The following NRG1 variants were observed in gnomAD, a reference collection of about 807,000 sequenced individuals.
NRG1 encodes the protein neuregulin 1, also known as pro-neuregulin-1, membrane-bound isoform.
NRG1 carries 18 observed loss-of-function variants against 63.8 expected under a neutral mutation model. The ratio of observed to expected loss-of-function variants is 0.28; its 90% CI spans 0.19 to 0.42. NRG1 has a LOEUF of 0.42. Ranked by LOEUF, NRG1 falls within the 10% of genes least tolerant of loss-of-function variation. The pLI, the probability that NRG1 is intolerant of heterozygous loss-of-function variation, is 1.00. For missense variants in NRG1, 762 were observed against 814.7 expected (o/e 0.94, Z 0.79); for synonymous variants, 302 against 301.3 (o/e 1.00, Z -0.02).
At chr8:31,877,724 C>T (rs1830037636) in intron 1 of NRG1, among the ~76,000 whole-genome samples, 1 of 152,062 alleles carries the variant, frequency 6.6e-6, no homozygotes, top group South Asian at 2.1e-4. Context: ...GGCAGTGTTC[C>T]ATCCTAGGTA....
intron 1 of NRG1, among the ~76,000 whole-genome samples, chr8:31,731,436 AC>A (rs1814052375): frequency 6.6e-6 from 1 of 151,888 alleles, no homozygotes; most frequent in Admixed American, 6.6e-5. Context: ...ACACACACAC[AC>A]ACACACACAT....
chr8:32,298,629 G>A (rs964557163), intron 1 of NRG1, among the ~76,000 whole-genome samples: 5 of 150,180 alleles, frequency 3.3e-5, no homozygotes, highest in Non-Finnish European at 7.4e-5. Context: ...CAGGAGAATC[G>A]CTTGAACCCA....
chr8:32,619,519 CCCAGTTAGG>C (rs1337919109), intron 5 of NRG1, among the ~76,000 whole-genome samples: 1 of 152,076 alleles, frequency 6.6e-6, no homozygotes, highest in African/African-American at 2.4e-5. Context: ...AATCCAGGAT[CCCAGTTAGG>C]TGGCTTTTGC....
At chr8:32,067,835 T>C (rs1825119398) in intron 1 of NRG1, among the ~76,000 whole-genome samples, 2 of 152,190 alleles carry the variant, frequency 1.3e-5, no homozygotes, top group African/African-American at 2.4e-5. Context: ...TAATTGGCTT[T>C]AAAGAAAAAA....
chr8:32,225,315 T>C (rs1024923891), intron 1 of NRG1, among the ~76,000 whole-genome samples: 3 of 152,186 alleles, frequency 2.0e-5, no homozygotes, highest in African/African-American at 7.2e-5. Context: ...TCTAATATCA[T>C]ATGCCTAATA....
chr8:32,089,043 T>C (rs1485608559), intron 1 of NRG1, among the ~76,000 whole-genome samples: 1 of 152,192 alleles, frequency 6.6e-6, no homozygotes, highest in African/African-American at 2.4e-5. Flanking sequence ...AAAATGTTTG[T>C]GTATTTCTGG....
At chr8:32,397,320 G>T (rs931143455) in intron 1 of NRG1, among the ~76,000 whole-genome samples, 3 of 151,962 alleles carry the variant, frequency 2.0e-5, no homozygotes, top group Non-Finnish European at 2.9e-5. Flanking sequence ...TTTGTAAAAT[G>T]AAAATAATAA....
chr8:32,373,440 T>G, intron 1 of NRG1, among the ~76,000 whole-genome samples: 1 of 151,666 alleles, frequency 6.6e-6, no homozygotes, highest in East Asian at 2.0e-4. Context: ...AAAATAATTT[T>G]TTTAATTTAT....
rs557900892 is a variant in NRG1 at position 32,153,716 on chromosome 8, T to C, written c.38-442112T>C. On this transcript the variant is annotated intron_variant, in intron 1 of 10. Coordinates refer to the NRG1 transcript ENST00000519301. ...GGTCTGAATTTCCATACATTCCTGG[T>C]ATCTCAGAGGGTGGCAAGGTTAGAA... 7.9e-5 allele frequency among the ~76,000 whole-genome samples: 12 copies of C among 152,314 alleles called. No individual in the cohort carries two copies. In the East Asian group the frequency reaches 2.3e-3, roughly 29 times the overall value.
intron 1 of NRG1, among the ~76,000 whole-genome samples, chr8:31,662,509 G>T (rs1428831761): frequency 1.3e-5 from 2 of 152,176 alleles, no homozygotes; most frequent in African/African-American, 4.8e-5. Context: ...TGCCACTCCT[G>T]CATTTCTGGG....
chr8:32,696,660 T>A (rs1813385623), intron 5 of NRG1, among the ~76,000 whole-genome samples: 1 of 139,342 alleles, frequency 7.2e-6, no homozygotes, highest in African/African-American at 2.8e-5. Context: ...ATCTATCTTT[T>A]TTTTTTTTTT....
At chr8:32,036,591 AACATAATCCCAT>A (rs1232534353) in intron 1 of NRG1, among the ~76,000 whole-genome samples, 1 of 152,096 alleles carries the variant, frequency 6.6e-6, no homozygotes, top group African/African-American at 2.4e-5. Flanking sequence ...TCAGTCTTTT[AACATAATCCCAT>A]AGTTCACAGA....
intron 1 of NRG1, among the ~76,000 whole-genome samples, chr8:32,159,540 C>CAAAAAAAAAAAAAAAA (rs10684266): frequency 1.4e-5 from 1 of 73,692 alleles, no homozygotes; most frequent in African/African-American, 3.9e-5. Flanking sequence ...GACTCCGTCT[C>CAAAAAAAAAAAAAAAA]AAAAAAAAAA....
chr8:32,264,264 C>A (rs914986874), intron 1 of NRG1, among the ~76,000 whole-genome samples: 5 of 151,930 alleles, frequency 3.3e-5, no homozygotes, highest in African/African-American at 1.2e-4. Flanking sequence ...GTCTGTCAAT[C>A]CTTCTTGATT....
intron 1 of NRG1, among the ~76,000 whole-genome samples, chr8:32,182,456 A>G (rs898276119): frequency 1.3e-5 from 2 of 152,196 alleles, no homozygotes; most frequent in African/African-American, 4.8e-5. Context: ...CATGTTGGCC[A>G]GGCTGGTCTC....
rs117581597 is a variant in NRG1, at chr8:32,230,328, C to T, written c.38-365500C>T. ...GAAATGGTTGAAGACAAATGTCTCA[C>T]GCCTTAAAATGTTGCTAAAGTAAGA... On this transcript the variant is annotated intron_variant, in intron 1 of 10. Transcript: ENST00000519301. Among the ~76,000 whole-genome samples, 32 of 152,262 alleles carry T rather than the reference C, an allele frequency of 2.1e-4. No individual in the cohort carries two copies. The East Asian group carries it at 4.8e-3, about 23-fold the overall frequency.
chr8:32,031,340 C>T (rs543048300), intron 1 of NRG1, among the ~76,000 whole-genome samples: 2 of 152,206 alleles, frequency 1.3e-5, no homozygotes, highest in Non-Finnish European at 2.9e-5. Flanking sequence ...ACTGAAGCTT[C>T]TCCTGGGATG....
chr8:32,751,819 G>A (rs186673532), intron 7 of NRG1, among the ~76,000 whole-genome samples: 10 of 152,186 alleles, frequency 6.6e-5, no homozygotes, highest in Admixed American at 3.3e-4. Flanking sequence ...GAATGCACCC[G>A]TCATCATGCA....
intron 1 of NRG1, among the ~76,000 whole-genome samples, chr8:32,169,700 A>C (rs1839799687): frequency 6.6e-6 from 1 of 152,196 alleles, no homozygotes; most frequent in Admixed American, 6.5e-5. Flanking sequence ...CTAAGAATGA[A>C]TTCTTTTTAC....
Sources: allele counts gnomAD v4.1 joint callset (sites outside exome capture counted in the v4.1 genomes callset), GRCh38; gene constraint gnomAD v4.1.1; transcripts MANE v1.5; gene names NCBI Gene and HGNC (gene_info 2026-07-23, HGNC 2026-07-21).